Variants in PARD3 observed in about 807,000 individuals in gnomAD.
The protein encoded by PARD3 is partitioning defective 3 homolog.
A neutral mutation model predicts 155.4 loss-of-function variants in PARD3; 75 were observed. That is an observed-to-expected ratio of 0.48 (90% confidence interval 0.40 to 0.58). PARD3 has a LOEUF of 0.58. Ranked by LOEUF, PARD3 falls within the 20% of genes least tolerant of loss-of-function variation. PARD3 has a pLI of 0.00. For synonymous variants in PARD3, 576 were observed against 610.5 expected, an observed-to-expected ratio of 0.94 and a Z score of 0.83; for missense variants, 1,642 against 1,721.7, an observed-to-expected ratio of 0.95 and a Z score of 0.82.
At chr10:34,297,880 C>T (rs991056439) in intron 20 of PARD3, among the ~76,000 whole-genome samples, 3 of 152,178 alleles carry the variant, frequency 2.0e-5, no homozygotes, top group Admixed American at 6.5e-5. Context: ...TGTACCTATT[C>T]GGGATTTAAA....
chr10:34,629,638 T>C (rs1203402993), intron 2 of PARD3, among the ~76,000 whole-genome samples: 1 of 152,208 alleles, frequency 6.6e-6, no homozygotes, highest in Non-Finnish European at 1.5e-5. Flanking sequence ...AAAATTAATA[T>C]TGCACTGCAT....
chr10:34,390,557 G>A (rs1238617804), intron 7 of PARD3, among the ~76,000 whole-genome samples: 1 of 152,100 alleles, frequency 6.6e-6, no homozygotes, highest in Non-Finnish European at 1.5e-5. Context: ...GTAAGGAGTA[G>A]GGCTAAGTGA....
At chr10:34,294,990 AC>A (rs1332817416) in intron 20 of PARD3, among the ~76,000 whole-genome samples, 2 of 152,104 alleles carry the variant, frequency 1.3e-5, no homozygotes, top group East Asian at 3.9e-4. Flanking sequence ...ATCCCTTAGG[AC>A]AGGAGTTCAA....
chr10:34,485,931 T>G (rs1462770557), intron 3 of PARD3, among the ~76,000 whole-genome samples: 3 of 149,286 alleles, frequency 2.0e-5, no homozygotes, highest in East Asian at 3.9e-4. Flanking sequence ...TTTTTTTTTT[T>G]TTTTTTTTTT....
chr10:34,614,327 T>C (rs73267391), intron 2 of PARD3, among the ~76,000 whole-genome samples: 9,149 of 152,146 alleles, frequency 0.06, 863 homozygotes, highest in African/African-American at 0.2. Context: ...CTCTGGAAAC[T>C]AATTGAAAAT....
At chr10:34,703,251 T>C (rs1161025223) in intron 1 of PARD3, among the ~76,000 whole-genome samples, 1 of 150,818 alleles carries the variant, frequency 6.6e-6, no homozygotes, top group East Asian at 1.9e-4. Context: ...AAGTCAGGTG[T>C]GGTGGCATGC....
chr10:34,590,981 T>C (rs1327402452), intron 2 of PARD3, among the ~76,000 whole-genome samples: 1 of 152,116 alleles, frequency 6.6e-6, no homozygotes, highest in Non-Finnish European at 1.5e-5. Context: ...CATTGACACC[T>C]TGAAATGCCT....
At chr10:34,525,169 T>C (rs1050025873) in intron 2 of PARD3, among the ~76,000 whole-genome samples, 1 of 152,196 alleles carries the variant, frequency 6.6e-6, no homozygotes, top group South Asian at 2.1e-4. Flanking sequence ...ATACAAACTA[T>C]ACCAATAAAA....
At chr10:34,670,961 G>A (rs1412106586) in intron 2 of PARD3, among the ~76,000 whole-genome samples, 1 of 152,076 alleles carries the variant, frequency 6.6e-6, no homozygotes, top group South Asian at 2.1e-4. Context: ...ACACATCGGC[G>A]GCCATCAAGT....
At chr10:34,487,644 T>A (rs2079566203) in intron 3 of PARD3, among the ~76,000 whole-genome samples, 1 of 151,648 alleles carries the variant, frequency 6.6e-6, no homozygotes, top group South Asian at 2.1e-4. Flanking sequence ...GTTTTACTTT[T>A]TTTTTTTTTT....
chr10:34,237,868 G>T (rs1312052390), intron 22 of PARD3, among the ~76,000 whole-genome samples: 1 of 152,080 alleles, frequency 6.6e-6, no homozygotes, highest in African/African-American at 2.4e-5. Flanking sequence ...ACTGGTAAAT[G>T]GTGTTTCATC....
intron 22 of PARD3, among the ~76,000 whole-genome samples, chr10:34,185,811 C>CTATATTATATTATATTATATTATAT (rs200395816): frequency 6.3e-5 from 9 of 143,742 alleles, no homozygotes; most frequent in South Asian, 2.3e-4. Context: ...GTAACATCTT[C>CTATATTATATTATATTATATTATAT]TATATTATAT....
At chr10:34,470,693 T>G (rs1485232837) in intron 3 of PARD3, among the ~76,000 whole-genome samples, 1 of 152,212 alleles carries the variant, frequency 6.6e-6, no homozygotes, top group African/African-American at 2.4e-5. Flanking sequence ...TAACCATTAC[T>G]GTGATCATTA....
intron 4 of PARD3, among the ~76,000 whole-genome samples, chr10:34,469,822 C>T (rs192433058): frequency 6.6e-4 from 100 of 152,086 alleles, no homozygotes; most frequent in African/African-American, 1.9e-3. Flanking sequence ...TCATTTTTAA[C>T]GATATGAAAT....
At chr10:34,667,566 C>T (rs1485138504) in intron 2 of PARD3, among the ~76,000 whole-genome samples, 1 of 152,200 alleles carries the variant, frequency 6.6e-6, no homozygotes, top group East Asian at 1.9e-4. Context: ...TAGCCTTTGG[C>T]ACTGAAAAAT....
At chr10:34,460,127 C>A (rs746201042) in intron 4 of PARD3, among the ~76,000 whole-genome samples, 1 of 152,122 alleles carries the variant, frequency 6.6e-6, no homozygotes, top group Non-Finnish European at 1.5e-5. Context: ...ATGGCACAAA[C>A]TTCTAAAGAA....
At chr10:34,204,535 A>G (rs1236225636) in intron 22 of PARD3, among the ~76,000 whole-genome samples, 1 of 152,090 alleles carries the variant, frequency 6.6e-6, no homozygotes, top group Non-Finnish European at 1.5e-5. Flanking sequence ...CAGGGCCCCA[A>G]TCCTCCATAC....
chr10:34,325,604 T>C (rs1248584116), intron 19 of PARD3, among the ~76,000 whole-genome samples: 1 of 152,120 alleles, frequency 6.6e-6, no homozygotes, highest in African/African-American at 2.4e-5. Context: ...AGTGCTCATT[T>C]ATCCACTGGG....
intron 12 of PARD3, among the ~76,000 whole-genome samples, chr10:34,370,051 T>TA (rs1338005616): frequency 6.6e-6 from 1 of 152,172 alleles, no homozygotes; most frequent in East Asian, 1.9e-4. Context: ...ATCATGTTAA[T>TA]ATTAAGCCTT....
Sources: allele counts gnomAD v4.1 joint callset (sites outside exome capture counted in the v4.1 genomes callset), GRCh38; gene constraint gnomAD v4.1.1; transcripts MANE v1.5; gene names NCBI Gene and HGNC (gene_info 2026-07-23, HGNC 2026-07-21).